Variants in PBX1 observed in about 807,000 individuals in gnomAD.
PBX1 encodes pre-B-cell leukemia transcription factor 1.
PBX1 carries 6 observed loss-of-function variants against 53.4 expected under a neutral mutation model. That is an observed-to-expected ratio of 0.11 (90% confidence interval 0.06 to 0.22). The LOEUF (loss-of-function observed/expected upper bound fraction) is 0.22, where lower values mean the gene tolerates loss of function less well. Ranked by LOEUF, PBX1 falls within the 10% of genes least tolerant of loss-of-function variation. The pLI, the probability that PBX1 is intolerant of heterozygous loss-of-function variation, is 1.00. For missense variants in PBX1, 251 were observed against 551.4 expected (o/e 0.46, Z 5.46); for synonymous variants, 204 against 212.3 (o/e 0.96, Z 0.34).
At chr1:164,697,931 T>G (rs892792082) in intron 2 of PBX1, among the ~76,000 whole-genome samples, 2 of 152,210 alleles carry the variant, frequency 1.3e-5, no homozygotes, top group African/African-American at 4.8e-5. Flanking sequence ...CCTCCTTGCC[T>G]CCAGGTATCA....
intron 2 of PBX1, among the ~76,000 whole-genome samples, chr1:164,707,654 CT>C (rs1049592268): frequency 6.6e-5 from 10 of 152,212 alleles, no homozygotes; most frequent in African/African-American, 2.4e-4. Context: ...CCAAGACACC[CT>C]TTTTGGGAAA....
chr1:164,584,455 C>T (rs916038132), intron 2 of PBX1, among the ~76,000 whole-genome samples: 9 of 151,948 alleles, frequency 5.9e-5, no homozygotes, highest in African/African-American at 1.7e-4. Flanking sequence ...TGTGATGTGT[C>T]GAGAATTAGA....
chr1:164,573,253 G>A (rs1182701190), intron 2 of PBX1, among the ~76,000 whole-genome samples: 1 of 151,808 alleles, frequency 6.6e-6, no homozygotes, highest in Non-Finnish European at 1.5e-5. Context: ...CTAAGGCCTT[G>A]AAATGGTAAT....
chr1:164,648,698 T>A (rs191148992), intron 2 of PBX1, among the ~76,000 whole-genome samples: 2 of 152,332 alleles, frequency 1.3e-5, no homozygotes, highest in Admixed American at 1.3e-4. Flanking sequence ...ACTTGTTGAT[T>A]TGTCAGCTGC....
Position 164,883,541 on chromosome 1 carries a change from A to C in PBX1, n.258-15647A>C, listed in dbSNP as rs536386939. 3.3e-5 allele frequency among the ~76,000 whole-genome samples: 5 copies of C among 152,296 alleles called. No homozygotes were observed. In the East Asian group the frequency reaches 5.8e-4, roughly 18 times the overall value. On this transcript the variant is annotated intron_variant and non_coding_transcript_variant, in intron 2 of 2. Transcript: ENST00000558796. ...CATAATTTCCTTCTAATATTTGCTCACATATATGTATACAATTACTATTTT... is the reference window on the plus strand; with the variant it reads ...CATAATTTCCTTCTAATATTTGCTCCCATATATGTATACAATTACTATTTT...
chr1:164,836,176 TG>T (rs993903375), intron 8 of PBX1, among the ~76,000 whole-genome samples: 2 of 152,212 alleles, frequency 1.3e-5, no homozygotes, highest in African/African-American at 4.8e-5. Flanking sequence ...TTATTTTGGA[TG>T]CTCGATCAGT....
chr1:164,768,551 T>C (rs1667192445), intron 2 of PBX1, among the ~76,000 whole-genome samples: 1 of 152,234 alleles, frequency 6.6e-6, no homozygotes, highest in African/African-American at 2.4e-5. Context: ...GATTTATAGA[T>C]TGCAACGGCT....
intron 2 of PBX1, among the ~76,000 whole-genome samples, chr1:164,585,275 A>T (rs575885786): frequency 4.3e-4 from 65 of 152,258 alleles, no homozygotes; most frequent in African/African-American, 1.5e-3. Flanking sequence ...GAAAATTCCT[A>T]GTCATGGTCT....
At chr1:164,873,470 A>G (rs1243764293) in intron 2 of PBX1, among the ~76,000 whole-genome samples, 2 of 152,242 alleles carry the variant, frequency 1.3e-5, no homozygotes, top group Non-Finnish European at 2.9e-5. Flanking sequence ...TCATGAATTC[A>G]TGCTGGCCTC....
intron 8 of PBX1, among the ~76,000 whole-genome samples, chr1:164,830,105 G>A (rs1264639767): frequency 6.6e-6 from 1 of 152,176 alleles, no homozygotes; most frequent in Non-Finnish European, 1.5e-5. Flanking sequence ...TTTGGTAACT[G>A]TAACTTGGTA....
At chr1:164,842,159 A>G (rs974935279) in intron 8 of PBX1, among the ~76,000 whole-genome samples, 5 of 152,186 alleles carry the variant, frequency 3.3e-5, no homozygotes, top group Non-Finnish European at 7.3e-5. Context: ...CACTGGATCC[A>G]CAACAGGGAG....
chr1:164,716,587 G>A (rs1351094291), intron 2 of PBX1, among the ~76,000 whole-genome samples: 1 of 151,794 alleles, frequency 6.6e-6, no homozygotes, highest in African/African-American at 2.4e-5. Flanking sequence ...AAGTGTGGTG[G>A]CTCACGCCTG....
intron 2 of PBX1, among the ~76,000 whole-genome samples, chr1:164,610,315 G>A (rs1476341294): frequency 6.6e-6 from 1 of 152,128 alleles, no homozygotes; most frequent in Non-Finnish European, 1.5e-5. Context: ...GAAGGGGCTG[G>A]TTCCAGGGCT....
At chr1:164,792,943 A>G (rs1668593100) in intron 3 of PBX1, among the ~76,000 whole-genome samples, 2 of 152,130 alleles carry the variant, frequency 1.3e-5, no homozygotes, top group African/African-American at 4.8e-5. Flanking sequence ...CTAGGCATTC[A>G]ATGGAGGTAA....
intron 5 of PBX1, 99 bp downstream of exon 5, chr1:164,807,776 G>A: frequency 7.4e-7 from 1 of 1,346,662 alleles, no homozygotes; most frequent in South Asian, 1.4e-5. Flanking sequence ...TTCATGCCTT[G>A]CAAGTTCCAT....
chr1:164,689,610 C>G (rs1396537353), intron 2 of PBX1, among the ~76,000 whole-genome samples: 39 of 152,312 alleles, frequency 2.6e-4, no homozygotes, highest in Non-Finnish European at 5.9e-5. Flanking sequence ...ATGAGAAGGA[C>G]CTGCGATTGC....
At position 164,559,973 on chromosome 1, in the gene PBX1, A is replaced by G; in HGVS notation, c.151A>G (p.Met51Val). Residue 51 changes from methionine (M) to valine (V), a missense_variant, in exon 1 of 9, where the codon ATG becomes GTG. Transcript: ENST00000420696. ...CATTGGAGACATTTTACAGCAAATT[A>G]TGACCATCACAGACCAGAGTTTGGA... ...QDIGDILQQI[M>V]TITDQSLDEA... 1 of 1,531,992 alleles carries G rather than the reference A, an allele frequency of 6.5e-7. No homozygotes were observed. The highest frequency in any genetic ancestry group is 8.8e-7 in the Non-Finnish European group (1 of 1,136,208). 94.9% of individuals were successfully genotyped at this position (1,531,992 alleles called of 1,614,324 possible).
chr1:164,653,551 T>C (rs1384760191), intron 2 of PBX1, among the ~76,000 whole-genome samples: 1 of 151,956 alleles, frequency 6.6e-6, no homozygotes, highest in Non-Finnish European at 1.5e-5. Flanking sequence ...GGTGGGTGGA[T>C]CACTTGAGGT....
chr1:164,707,690 T>C (rs537882528), intron 2 of PBX1, among the ~76,000 whole-genome samples: 122 of 151,756 alleles, frequency 8.0e-4, no homozygotes, highest in African/African-American at 2.8e-3. Flanking sequence ...GAAAGGAAGA[T>C]AAAAACCCAG....
Sources: allele counts gnomAD v4.1 joint callset (sites outside exome capture counted in the v4.1 genomes callset), GRCh38; gene constraint gnomAD v4.1.1; transcripts MANE v1.5; gene names NCBI Gene and HGNC (gene_info 2026-07-23, HGNC 2026-07-21).